The following MYO9B variants were observed in gnomAD, a reference collection of about 807,000 sequenced individuals.
MYO9B encodes myosin IXB.
A neutral mutation model predicts 229.5 loss-of-function variants in MYO9B; 71 were observed. That is an observed-to-expected ratio of 0.31 (90% CI 0.26 to 0.38). The LOEUF (loss-of-function observed/expected upper bound fraction) is 0.38. Among genes scored for constraint, MYO9B ranks in the 10% least tolerant of loss-of-function variants. The probability of loss-of-function intolerance (pLI) is 1.00; values close to 1 mark genes in which losing one functional copy is unlikely to be tolerated. For missense variants in MYO9B, 2,255 were observed against 2,920.5 expected, an observed-to-expected ratio of 0.77 and a Z score of 5.25; for synonymous variants, 1,185 against 1,235.8, an observed-to-expected ratio of 0.96 and a Z score of 0.86.
intron 2 of MYO9B, among the ~76,000 whole-genome samples, chr19:17,142,568 G>A (rs1413942377): frequency 6.6e-6 from 1 of 151,930 alleles, no homozygotes; most frequent in African/African-American, 2.4e-5. Context: ...CCAGCAGTGA[G>A]CCCAGAATCC....
At chr19:17,121,952 C>T (rs940205148) in intron 2 of MYO9B, among the ~76,000 whole-genome samples, 2 of 151,582 alleles carry the variant, frequency 1.3e-5, no homozygotes, top group Non-Finnish European at 2.9e-5. Flanking sequence ...TGCCACTGCA[C>T]TCCAGCCTGG....
At chr19:17,167,498 G>A (rs942986770) in intron 10 of MYO9B, among the ~76,000 whole-genome samples, 1 of 142,622 alleles carries the variant, frequency 7.0e-6, no homozygotes, top group South Asian at 2.2e-4. Flanking sequence ...TTTTTGTGAC[G>A]GAGTTTCGCT....
rs543389770 is a variant in MYO9B, at chr19:17,092,322, C to T, written c.-58-9338C>T. 3.9e-5 allele frequency among the ~76,000 whole-genome samples: 6 copies of T among 152,336 alleles called. No homozygotes were observed. The South Asian group carries it at 8.3e-4, about 21-fold the overall frequency. On this transcript the variant is annotated intron_variant, in intron 1 of 39. Coordinates refer to ENST00000682292, the MANE Select transcript of MYO9B (RefSeq NM_004145.4). Reference sequence around the variant, plus strand: ...GGTCACAAAAGTGAACGTCACAGGACGGGCCAACTCTGCCCAGGCCTCGCT... The same window carrying T: ...GGTCACAAAAGTGAACGTCACAGGATGGGCCAACTCTGCCCAGGCCTCGCT...
chr19:17,194,856 C>T lies in MYO9B; in HGVS notation c.3429C>T (p.Ser1143=). ...VAAESHEKVP[S]SREKRESRRQ... ...CTGAAAGTCACGAGAAAGTCCCCAGCAGCCGGGAGAAGCGTGAGTCGCGTC... is the reference window on the plus strand; with the variant it reads ...CTGAAAGTCACGAGAAAGTCCCCAGTAGCCGGGAGAAGCGTGAGTCGCGTC... The change falls in exon 22 of 40, where the codon AGC becomes AGT. Residue 1143 remains serine, a synonymous_variant. Coordinates refer to ENST00000682292, the MANE Select transcript of MYO9B (RefSeq NM_004145.4). 3 of 1,613,350 alleles carry T rather than the reference C, an allele frequency of 1.9e-6. No individual in the cohort carries two copies. The highest frequency in any genetic ancestry group is 2.5e-6 in the Non-Finnish European group (3 of 1,179,902).
chr19:17,190,098 A>G (rs1378411528), intron 19 of MYO9B, among the ~76,000 whole-genome samples: 1 of 149,904 alleles, frequency 6.7e-6, no homozygotes, highest in African/African-American at 2.5e-5. Flanking sequence ...CAGACTGTTG[A>G]CCTGGCATGG....
chr19:17,134,844 A>T (rs1245557388), intron 2 of MYO9B, among the ~76,000 whole-genome samples: 3 of 151,628 alleles, frequency 2.0e-5, no homozygotes, highest in Non-Finnish European at 4.4e-5. Flanking sequence ...GCTCACTGCA[A>T]CCTCCACCTC....
At chr19:17,168,454 C>G (rs1399433043) in intron 11 of MYO9B, among the ~76,000 whole-genome samples, 1 of 152,232 alleles carries the variant, frequency 6.6e-6, no homozygotes, top group Non-Finnish European at 1.5e-5. Flanking sequence ...GCGTGTGCCA[C>G]CACGCCAGAC....
At chr19:17,078,463 C>G (rs183609990) in intron 1 of MYO9B, among the ~76,000 whole-genome samples, 3 of 152,086 alleles carry the variant, frequency 2.0e-5, no homozygotes, top group Non-Finnish European at 4.4e-5. Context: ...TTGCTTGAAC[C>G]CAGGAGGCGG....
intron 13 of MYO9B, among the ~76,000 whole-genome samples, chr19:17,174,552 G>T (rs533173312): frequency 8.1e-4 from 124 of 152,238 alleles, no homozygotes; most frequent in African/African-American, 3.0e-3. Flanking sequence ...TAGGAGAATC[G>T]CTTGAACCCG....
chr19:17,133,097 C>T (rs2072222948), intron 2 of MYO9B, among the ~76,000 whole-genome samples: 2 of 151,744 alleles, frequency 1.3e-5, no homozygotes, highest in Non-Finnish European at 2.9e-5. Flanking sequence ...CCGCCTGTCT[C>T]AGCCTCCCAA....
At chr19:17,183,895 A>G (rs765083629) in intron 16 of MYO9B, 27 bp downstream of exon 16, 2 of 1,548,280 alleles carry the variant, frequency 1.3e-6, no homozygotes, top group South Asian at 1.2e-5. Flanking sequence ...ACCCCGCGCG[A>G]CACGTTCCAA....
intron 14 of MYO9B, among the ~76,000 whole-genome samples, chr19:17,179,241 G>A (rs943052324): frequency 1.3e-5 from 2 of 151,866 alleles, no homozygotes; most frequent in African/African-American, 2.4e-5. Context: ...GGATGGTACC[G>A]CCCCGGTTGA....
chr19:17,110,032 CCT>C (rs758505206), intron 2 of MYO9B, among the ~76,000 whole-genome samples: 1 of 152,170 alleles, frequency 6.6e-6, no homozygotes, highest in Non-Finnish European at 1.5e-5. Flanking sequence ...GTTCAGGCTG[CCT>C]CTCTGCTCTC....
At chr19:17,100,172 G>A (rs1402658212) in intron 1 of MYO9B, among the ~76,000 whole-genome samples, 1 of 148,130 alleles carries the variant, frequency 6.8e-6, no homozygotes, top group Non-Finnish European at 1.5e-5. Flanking sequence ...ATGTGTATAA[G>A]AAACCTGCAC....
At chr19:17,141,917 C>T (rs2072344861) in intron 2 of MYO9B, among the ~76,000 whole-genome samples, 1 of 152,178 alleles carries the variant, frequency 6.6e-6, no homozygotes, top group Non-Finnish European at 1.5e-5. Flanking sequence ...GCCACCGTGC[C>T]TGTCATCACA....
At chr19:17,100,842 G>A (rs1424605580) in intron 1 of MYO9B, among the ~76,000 whole-genome samples, 1 of 151,986 alleles carries the variant, frequency 6.6e-6, no homozygotes, top group Non-Finnish European at 1.5e-5. Context: ...ATCTTCCTAG[G>A]TTGGGTTTCA....
chr19:17,163,531 C>G (rs2072627802), intron 10 of MYO9B, among the ~76,000 whole-genome samples: 1 of 151,996 alleles, frequency 6.6e-6, no homozygotes, highest in South Asian at 2.1e-4. Context: ...CCATGCCTGG[C>G]TAATTTTTGT....
At chr19:17,209,846 A>T in intron 36 of MYO9B, 137 bp downstream of exon 36, 1 of 1,141,234 alleles carries the variant, frequency 8.8e-7, no homozygotes, top group Non-Finnish European at 1.2e-6. Flanking sequence ...GGTGGGCAGG[A>T]CCTCCCATGC....
Position 17,089,583 on chromosome 19 carries a change from C to T in MYO9B, c.-58-12077C>T, listed in dbSNP as rs1386082726. Among the ~76,000 whole-genome samples the T allele has an allele frequency of 2.6e-5, 4 of 152,148 alleles. No individual in the cohort carries two copies. The East Asian group carries it at 5.8e-4, about 22-fold the overall frequency. Reference sequence around the variant, plus strand: ...GCCTTGAGAGCGGCTAATTCACATCCGGCCACTGACCCCCACCCCCAGGGC... The same window carrying T: ...GCCTTGAGAGCGGCTAATTCACATCTGGCCACTGACCCCCACCCCCAGGGC... On this transcript the variant is annotated intron_variant, in intron 1 of 39. Coordinates refer to ENST00000682292, the MANE Select transcript of MYO9B (RefSeq NM_004145.4).
Sources: gnomAD v4.1 joint callset for allele counts (sites outside exome capture counted in the v4.1 genomes callset) on GRCh38, gnomAD v4.1.1 for gene constraint, MANE v1.5 for transcripts, NCBI Gene and HGNC (gene_info 2026-07-23, HGNC 2026-07-21) for gene names.